WDFY4: variants seen among roughly 807,000 people sequenced by gnomAD.
WDFY4 encodes the protein WD repeat- and FYVE domain-containing protein 4.
A neutral mutation model predicts 351.9 loss-of-function variants in WDFY4; 169 were observed. That is an observed-to-expected ratio of 0.48 (90% CI 0.42 to 0.55). WDFY4 has a LOEUF of 0.55. Among genes scored for constraint, WDFY4 ranks in the 20% least tolerant of loss-of-function variants. The probability of loss-of-function intolerance (pLI) is 0.00; values close to 1 mark genes in which losing one functional copy is unlikely to be tolerated. For synonymous variants in WDFY4, 1,622 were observed against 1,574.6 expected, an observed-to-expected ratio of 1.03 and a Z score of -0.71; for missense variants, 3,803 against 3,935.6, an observed-to-expected ratio of 0.97 and a Z score of 0.90.
Position 48,966,588 on chromosome 10 carries a change from C to A in WDFY4, c.8499C>A (p.Val2833=), listed in dbSNP as rs1229148645. The A allele has an allele frequency of 6.4e-7, 1 of 1,552,092 alleles. No homozygotes were observed. The highest frequency in any genetic ancestry group is 8.7e-7 in the Non-Finnish European group (1 of 1,147,062). Residue 2833 remains valine, a synonymous_variant, in exon 55 of 62, where the codon GTC becomes GTA. Coordinates refer to ENST00000325239, the MANE Select transcript of WDFY4 (RefSeq NM_001394531.1). ...GGAAGCCTCTGCCTGGAAAGGATGT[C>A]TCCACCCCCGTGAGCCTGCCTGGCC... is the stretch of plus-strand genomic sequence containing the variant. The part of the protein sequence containing the change: ...AAGKPLPGKD[V]STPVSLPGHP...
chr10:48,953,980 A>G (rs74130416), intron 51 of WDFY4, among the ~76,000 whole-genome samples: 1,736 of 152,352 alleles, frequency 0.011, 24 homozygotes, highest in African/African-American at 0.038. Context: ...AGCTTTAGCC[A>G]TCATACCATA....
At chr10:48,916,226 G>T (rs146738552) in intron 47 of WDFY4, among the ~76,000 whole-genome samples, 1,631 of 152,248 alleles carry the variant, frequency 0.011, 27 homozygotes, top group African/African-American at 0.037. Flanking sequence ...GGACTCAAGG[G>T]CAGCCCAGAA....
chr10:48,818,016 C>T (rs941831513), intron 32 of WDFY4, among the ~76,000 whole-genome samples: 3 of 152,200 alleles, frequency 2.0e-5, no homozygotes, highest in Non-Finnish European at 4.4e-5. Flanking sequence ...CAGGTCAAAG[C>T]TTGGCTGGGT....
At chr10:48,688,035 G>A (rs540004214) in intron 1 of WDFY4, among the ~76,000 whole-genome samples, 5 of 151,996 alleles carry the variant, frequency 3.3e-5, no homozygotes, top group Non-Finnish European at 5.9e-5. Context: ...CACCCACCTC[G>A]GCCTCCCAAA....
Position 48,731,095 on chromosome 10 carries a change from T to C in WDFY4, c.1130-15T>C. 1 of 1,509,214 alleles carries C rather than the reference T, an allele frequency of 6.6e-7. No individual in the cohort carries two copies. Among genetic ancestry groups the C allele is most frequent in the Non-Finnish European group, 8.9e-7 (1 of 1,123,638 alleles). The allele number at this position is 1,509,214 out of a possible 1,614,324, so 93.5% of individuals were successfully genotyped here. On this transcript the variant is annotated splice_polypyrimidine_tract_variant and intron_variant, in intron 8 of 61. Transcript: ENST00000325239. ...GAGAAATGACTTGTAAGATCATTCT[T>C]GTTTTCCTCCTCAGGGGTGACTGTT...
At chr10:48,707,456 G>T (rs1355255593) in intron 1 of WDFY4, among the ~76,000 whole-genome samples, 1 of 152,186 alleles carries the variant, frequency 6.6e-6, no homozygotes, top group Non-Finnish European at 1.5e-5. Flanking sequence ...CCAGTGAAGG[G>T]ACCCACGCAG....
intron 47 of WDFY4, among the ~76,000 whole-genome samples, chr10:48,926,775 T>C (rs1473011459): frequency 6.6e-6 from 1 of 152,082 alleles, no homozygotes; most frequent in Admixed American, 6.6e-5. Flanking sequence ...TAATTGACAA[T>C]GAAAGAGAGA....
At chr10:48,858,085 C>T (rs1161917361) in intron 39 of WDFY4, among the ~76,000 whole-genome samples, 4 of 152,136 alleles carry the variant, frequency 2.6e-5, no homozygotes, top group East Asian at 1.9e-4. Context: ...TGAGCCACCA[C>T]GCCCAGCCTA....
At position 48,731,381 on chromosome 10, in the gene WDFY4, G is replaced by T; in HGVS notation, c.1401G>T (p.Leu467=). ...TGCACTACGTGCCTCATGAGATCCTGCGAAAGGTACAGCATCTGATCAAGG... is the reference window on the plus strand; with the variant it reads ...TGCACTACGTGCCTCATGAGATCCTTCGAAAGGTACAGCATCTGATCAAGG... The part of the protein sequence containing the change: ...FELHYVPHEI[L]RKVQHLIKES... The change falls in exon 9 of 62, where the codon CTG becomes CTT. Residue 467 remains leucine, a synonymous_variant. Coordinates refer to ENST00000325239, the MANE Select transcript of WDFY4 (RefSeq NM_001394531.1). The T allele has an allele frequency of 6.4e-7, 1 of 1,551,764 alleles. No homozygotes were observed. Among genetic ancestry groups the T allele is most frequent in the South Asian group, 1.2e-5 (1 of 84,066 alleles).
chr10:48,950,528 G>A (rs1841272803), intron 51 of WDFY4, among the ~76,000 whole-genome samples: 2 of 152,300 alleles, frequency 1.3e-5, no homozygotes, highest in Non-Finnish European at 2.9e-5. Context: ...GTGAGAGGCT[G>A]CTGTGATTAA....
chr10:48,748,585 A>T (rs2065082670), intron 12 of WDFY4, among the ~76,000 whole-genome samples: 2 of 152,256 alleles, frequency 1.3e-5, no homozygotes, highest in South Asian at 4.1e-4. Context: ...GGACTGCGTC[A>T]GTCCTGATGT....
chr10:48,743,548 G>A lies in WDFY4; in HGVS notation c.2459G>A (p.Arg820Lys). 1 of 1,529,818 alleles carries A rather than the reference G, an allele frequency of 6.5e-7. No homozygotes were observed. The highest frequency in any genetic ancestry group is 8.8e-7 in the Non-Finnish European group (1 of 1,140,716). The allele number at this position is 1,529,818 out of a possible 1,614,324, so 94.8% of individuals were successfully genotyped here. A position where few individuals can be genotyped will look rare whatever the true frequency, so the allele number is the denominator to read the frequency against. Residue 820 changes from arginine to lysine, a missense_variant and splice_region_variant, in exon 12 of 62, where the codon AGG becomes AAG. By Grantham distance (26) the Arg-to-Lys change is conservative (BLOSUM62 2). Transcript: ENST00000325239. Reference sequence around the variant, plus strand: ...AAGCAGTGGCCAGACCTGGAGGAGAGGTAGCTTCTTCTGCCAGTGTGTCAT... The same window carrying A: ...AAGCAGTGGCCAGACCTGGAGGAGAAGTAGCTTCTTCTGCCAGTGTGTCAT... ...NFKQWPDLEE[R>K]MDEGDAAIMH...
chr10:48,771,798 T>C (rs761101531), intron 13 of WDFY4, among the ~76,000 whole-genome samples: 10 of 152,192 alleles, frequency 6.6e-5, no homozygotes, highest in Admixed American at 2.6e-4. Context: ...CGCCTAGAGC[T>C]TTACCCAGAA....
chr10:48,752,909 A>G (rs761270776), intron 12 of WDFY4, among the ~76,000 whole-genome samples: 3 of 152,218 alleles, frequency 2.0e-5, no homozygotes, highest in Non-Finnish European at 4.4e-5. Flanking sequence ...GTAGAATTGT[A>G]GCTCAATTCA....
At chr10:48,826,997 C>G in intron 36 of WDFY4, 88 bp downstream of exon 36, 1 of 1,072,854 alleles carries the variant, frequency 9.3e-7, no homozygotes, top group South Asian at 1.5e-5. Flanking sequence ...GGACTGAGTT[C>G]TGTATAAATG....
At chr10:48,874,658 T>TA (rs1161638924) in intron 41 of WDFY4, among the ~76,000 whole-genome samples, 1 of 151,720 alleles carries the variant, frequency 6.6e-6, no homozygotes, top group Non-Finnish European at 1.5e-5. Context: ...CAAAAAAAAA[T>TA]AAAAAATAAA....
intron 24 of WDFY4, 136 bp downstream of exon 24, chr10:48,796,586 C>A: frequency 7.9e-7 from 1 of 1,261,306 alleles, no homozygotes; most frequent in Non-Finnish European, 1.1e-6. Context: ...ACCAAACGAG[C>A]CTGCCCAGAG....
intron 55 of WDFY4, chr10:48,967,559 G>A (rs72801343): frequency 0.042 from 6,440 of 152,286 alleles, 193 homozygotes; most frequent in Admixed American, 0.064. Context: ...ATAATTCAGT[G>A]GCTTCCTTGG....
At chr10:48,942,652 C>T (rs537539208) in intron 48 of WDFY4, among the ~76,000 whole-genome samples, 1 of 152,340 alleles carries the variant, frequency 6.6e-6, no homozygotes, top group South Asian at 2.1e-4. Context: ...CTTAGTCACT[C>T]AGGTCCAAAA....
Sources: gnomAD v4.1 joint callset for allele counts (sites outside exome capture counted in the v4.1 genomes callset) on GRCh38, gnomAD v4.1.1 for gene constraint, MANE v1.5 for transcripts, NCBI Gene and HGNC (gene_info 2026-07-23, HGNC 2026-07-21) for gene names.